Variants in NXF2 observed in about 807,000 individuals in gnomAD.
NXF2 encodes the protein nuclear RNA export factor 2, also known as TAP-like protein 2.
At chrX:102,281,728 A>ACCCCCCCCCCCCC (rs61468793) in intron 2 of NXF2, among the ~76,000 whole-genome samples, 3 of 55,630 alleles carry the variant, frequency 5.4e-5, no homozygotes, top group Non-Finnish European at 9.6e-5. Context: ...ATGTCGTGTG[A>ACCCCCCCCCCCCC]CCCCCCCCCT....
At chrX:102,285,941 GTTTT>G (rs541008665) in intron 2 of NXF2, among the ~76,000 whole-genome samples, 1 of 33,952 alleles carries the variant, frequency 2.9e-5, no homozygotes, top group East Asian at 1.0e-3. Flanking sequence ...GTTTGTTTTT[GTTTT>G]TTTTTTTTTT....
At chrX:102,298,572 T>TGC (rs1193444951) in intron 2 of NXF2, among the ~76,000 whole-genome samples, 1 of 89,284 alleles carries the variant, frequency 1.1e-5, no homozygotes, top group Non-Finnish European at 2.2e-5. Flanking sequence ...GTACCACAGT[T>TGC]GCTGCCGTAG....
chrX:102,251,384 T>C (rs1443854185), intron 2 of NXF2, among the ~76,000 whole-genome samples: 1 of 46,397 alleles, frequency 2.2e-5, no homozygotes, highest in Non-Finnish European at 3.8e-5. Flanking sequence ...TCAAGGTATA[T>C]TCCCACTAGT....
intron 2 of NXF2, among the ~76,000 whole-genome samples, chrX:102,290,022 A>ATTTTCACGAT (rs1933964682): frequency 1.9e-5 from 1 of 53,324 alleles, no homozygotes; most frequent in Non-Finnish European, 3.9e-5. Context: ...CAGTATGGCC[A>ATTTTCACGAT]AAACAACCCC....
In NXF2 at chrX:102,294,209, C is replaced by T. The variant is rs1279408949; in HGVS notation, c.-53-12817C>T. Among the ~76,000 whole-genome samples, 7 of 106,598 alleles carry T rather than the reference C, an allele frequency of 6.6e-5. 2 individuals carry two copies. The highest frequency in any genetic ancestry group is 2.7e-4 in the African/African-American group (7 of 25,901). 92.6% of individuals were successfully genotyped at this position (106,598 alleles called of 115,157 possible). A position where few individuals can be genotyped will look rare whatever the true frequency, so the allele number is the denominator to read the frequency against. The stretch of plus-strand genomic sequence containing the variant: ...GGATTAAAAAAAAAAAAAAAGAAGT[C>T]TGTTGAAAAGATACACTATGGACCT... On this transcript the variant is annotated intron_variant, in intron 2 of 22. Coordinates refer to ENST00000625106, the MANE Select transcript of NXF2 (RefSeq NM_022053.4).
chrX:102,266,547 T>A (rs1602439211), intron 2 of NXF2, among the ~76,000 whole-genome samples: 1 of 43,284 alleles, frequency 2.3e-5, no homozygotes, highest in African/African-American at 7.2e-5. Context: ...GCAAGACTAA[T>A]AAAGAAGAAA....
chrX:102,282,248 A>C (rs1193692293), intron 2 of NXF2, among the ~76,000 whole-genome samples: 1 of 106,992 alleles, frequency 9.3e-6, no homozygotes, highest in Non-Finnish European at 1.9e-5. Context: ...CCCTCTGGCT[A>C]GGGCTGCTTT....
intron 2 of NXF2, among the ~76,000 whole-genome samples, chrX:102,298,502 C>T (rs1934004912): frequency 1.2e-5 from 1 of 84,440 alleles, no homozygotes; most frequent in Non-Finnish European, 2.3e-5. Context: ...GACCCCAGCA[C>T]CCCAGGGAGA....
chrX:102,293,524 CATATATATATATATATATATAT>C (rs1176337938), intron 2 of NXF2, among the ~76,000 whole-genome samples: 23 of 8,688 alleles, frequency 2.6e-3, no homozygotes, highest in Admixed American at 0.013. Context: ...TCTTTCTTTC[CATATATATATATATATATATAT>C]ATATATATAT....
intron 2 of NXF2, among the ~76,000 whole-genome samples, chrX:102,290,046 C>T (rs1201781862): frequency 5.9e-5 from 3 of 51,025 alleles, no homozygotes; most frequent in South Asian, 1.0e-3. Flanking sequence ...AACAAGTGGG[C>T]GAAAGATATG....
At chrX:102,281,941 T>C (rs1741986347) in intron 2 of NXF2, among the ~76,000 whole-genome samples, 1 of 60,117 alleles carries the variant, frequency 1.7e-5, no homozygotes, top group Non-Finnish European at 3.1e-5. Flanking sequence ...CCTGAGTAGC[T>C]GGGACTACAG....
At chrX:102,298,865 A>G (rs1304371603) in intron 2 of NXF2, among the ~76,000 whole-genome samples, 1 of 106,104 alleles carries the variant, frequency 9.4e-6, no homozygotes, top group East Asian at 3.1e-4. Flanking sequence ...GAGAGGTTCT[A>G]TTAGTAATAG....
intron 2 of NXF2, among the ~76,000 whole-genome samples, chrX:102,254,594 G>A (rs1485818513): frequency 1.9e-5 from 1 of 54,027 alleles, no homozygotes; most frequent in East Asian, 3.1e-3. Flanking sequence ...TTGCCTCATA[G>A]TAGCTTTTAT....
At chrX:102,248,353 G>A (rs1556382020) in intron 1 of NXF2, 84 bp from the exon 2 acceptor site, 1 of 52,095 alleles carries the variant, frequency 1.9e-5, no homozygotes, top group Non-Finnish European at 3.2e-5. Flanking sequence ...CCAACAGTTA[G>A]CATTGATGTA....
chrX:102,248,919 T>C (rs1427865803), intron 2 of NXF2, among the ~76,000 whole-genome samples: 1 of 8,675 alleles, frequency 1.2e-4, no homozygotes, highest in Non-Finnish European at 1.8e-4. Context: ...GGTAGGACGA[T>C]TGGCTTGTTT....
intron 2 of NXF2, among the ~76,000 whole-genome samples, chrX:102,274,521 TTCCTCTTCCTCTTCC>T (rs1933888308): frequency 2.7e-4 from 1 of 3,676 alleles, no homozygotes; most frequent in Non-Finnish European, 6.0e-4. Context: ...CTTCTTCTTC[TTCCTCTTCCTCTTCC>T]TCTTCCTCTT....
rs1441992497 is a variant in NXF2, at chrX:102,248,495, G to C, written c.-117G>C. 1 of 86,863 alleles carries C rather than the reference G, an allele frequency of 1.2e-5. No homozygotes were observed. The highest frequency in any genetic ancestry group is 2.2e-5 in the Non-Finnish European group (1 of 45,830). The allele number at this position is 86,863 out of a possible 1,213,427, so 7.2% of individuals were successfully genotyped here. A position where few individuals can be genotyped will look rare whatever the true frequency, so the allele number is the denominator to read the frequency against. On this transcript the variant is annotated 5_prime_UTR_variant, in exon 2 of 23. Coordinates refer to ENST00000625106, the MANE Select transcript of NXF2 (RefSeq NM_022053.4). ...TTCATTTCTCCTTAGTCTCCTCCAGGCTGACATTTCCTCAATCTTTATTGG... is the reference window on the plus strand; with the variant it reads ...TTCATTTCTCCTTAGTCTCCTCCAGCCTGACATTTCCTCAATCTTTATTGG...
intron 2 of NXF2, among the ~76,000 whole-genome samples, chrX:102,288,887 C>T (rs1420509344): frequency 7.8e-5 from 1 of 12,813 alleles, no homozygotes; most frequent in Non-Finnish European, 1.2e-4. Flanking sequence ...CCATTCTTGC[C>T]GGAGTAAGGT....
intron 2 of NXF2, among the ~76,000 whole-genome samples, chrX:102,282,238 C>G (rs1344917508): frequency 2.9e-5 from 3 of 104,211 alleles, no homozygotes; most frequent in Non-Finnish European, 4.0e-5. Flanking sequence ...TCAGTGATTC[C>G]CCTCTGGCTA....
Sources: gnomAD v4.1 joint callset for allele counts (sites outside exome capture counted in the v4.1 genomes callset) on GRCh38, gnomAD v4.1.1 for gene constraint, MANE v1.5 for transcripts, NCBI Gene and HGNC (gene_info 2026-07-23, HGNC 2026-07-21) for gene names.